The following ADAMTS13 variants were observed in gnomAD, a reference collection of about 807,000 sequenced individuals.
ADAMTS13 encodes the protein ADAM metallopeptidase with thrombospondin type 1 motif 13.
Under a neutral mutation model 155.1 loss-of-function variants are expected in ADAMTS13, and 110 were observed. The observed-to-expected ratio is 0.71, with a 90% confidence interval of 0.61 to 0.83. ADAMTS13 has a LOEUF of 0.83. Among genes scored for constraint, ADAMTS13 ranks in the 40% least tolerant of loss-of-function variants. The pLI is 0.00. For missense variants in ADAMTS13, 1,707 were observed against 1,891.7 expected, an observed-to-expected ratio of 0.90 and a Z score of 1.81; for synonymous variants, 758 against 756.4, an observed-to-expected ratio of 1.00 and a Z score of -0.03.
At chr9:133,446,258 T>C (rs1008607323) in intron 21 of ADAMTS13, among the ~76,000 whole-genome samples, 1 of 152,210 alleles carries the variant, frequency 6.6e-6, no homozygotes, top group African/African-American at 2.4e-5. Context: ...GTCACATTGT[T>C]GTGCGGCCAT....
In ADAMTS13 at chr9:133,425,829, G is replaced by C; in HGVS notation, c.415-109G>C. The stretch of plus-strand genomic sequence containing the variant: ...GCCTCAGTTGTCTCATCCCTAACAC[G>C]GGCTAGTCATAGGGTTGTTAGGAGG... On this transcript the variant is annotated intron_variant, in intron 4 of 28. Transcript: ENST00000355699. The surrounding 1 kb of genome is among the most constrained non-coding windows in gnomAD (Gnocchi z 4.6). 2 of 1,540,450 alleles carry C rather than the reference G, an allele frequency of 1.3e-6. No homozygotes were observed. The highest frequency in any genetic ancestry group is 8.8e-7 in the Non-Finnish European group (1 of 1,140,376).
chr9:133,439,572 T>A (rs1841509681), intron 15 of ADAMTS13, 126 bp downstream of exon 15: 2 of 825,178 alleles, frequency 2.4e-6, no homozygotes, highest in Non-Finnish European at 4.2e-6. Flanking sequence ...ACCCTCAGGC[T>A]TGATAGTTGA....
chr9:133,441,320 C>A lies in ADAMTS13; in HGVS notation c.1968+795C>A, dbSNP rs1841656603. ...GGCCAAAGCAAGCCCCTGTGAGCGG[C>A]TTATCCCTTCTCTTCCCCTGATATG... is the stretch of plus-strand genomic sequence containing the variant. On this transcript the variant is annotated intron_variant, in intron 16 of 28. Transcript: ENST00000355699. The surrounding 1 kb of genome is among the most constrained non-coding windows in gnomAD (Gnocchi z 5.0). Among the ~76,000 whole-genome samples the A allele has an allele frequency of 6.6e-6, 1 of 152,216 alleles. No homozygotes were observed. Among genetic ancestry groups the A allele is most frequent in the Non-Finnish European group, 1.5e-5 (1 of 68,034 alleles).
rs1199764417 is a variant in ADAMTS13, at chr9:133,425,736, C to T, written c.414+124C>T. 2 of 1,380,516 alleles carry T rather than the reference C, an allele frequency of 1.4e-6. No individual in the cohort carries two copies. Among genetic ancestry groups the T allele is most frequent in the Non-Finnish European group, 1.0e-6 (1 of 998,184 alleles). The allele number at this position is 1,380,516 out of a possible 1,614,324, so 85.5% of individuals were successfully genotyped here. A position where few individuals can be genotyped will look rare whatever the true frequency, so the allele number is the denominator to read the frequency against. On this transcript the variant is annotated intron_variant, in intron 4 of 28. Transcript: ENST00000355699. The surrounding 1 kb of genome is among the most constrained non-coding windows in gnomAD (Gnocchi z 4.6). ...AGCATGGATCACAGAATGCATTCAG[C>T]CAGACAGACCAGCTGCCCTCCCAGC...
In ADAMTS13 at chr9:133,443,382, G is replaced by A. The variant is rs782251114; in HGVS notation, c.2241G>A (p.Ala747=). 1.3e-5 allele frequency: 20 copies of A among 1,596,730 alleles called. No homozygotes were observed. Among genetic ancestry groups the A allele is most frequent in the Middle Eastern group, 1.8e-4 (1 of 5,674 alleles). Residue 747 remains alanine (A), a synonymous_variant, in exon 19 of 29, where the codon GCG becomes GCA. Transcript: ENST00000355699. ...CVLEPCPPYW[A]VGDFGPCSAS... ...GCTCTGTCTCCTTCCTCAGCTGGGC[G>A]GTGGGAGACTTCGGCCCATGCAGCG... is the stretch of plus-strand genomic sequence containing the variant.
In ADAMTS13 at chr9:133,440,473, G is replaced by T. The variant is rs138699340; in HGVS notation, c.1916G>T (p.Arg639Leu). Residue 639 changes from arginine to leucine, a missense_variant, in exon 16 of 29, where the codon CGC becomes CTC. Arg to Leu is a moderately radical substitution (Grantham distance 102). Around this residue, in one of 3 missense-constraint regions of ADAMTS13, gnomAD observed 961 missense variants for 1,107.9 expected, o/e 0.87. Transcript: ENST00000355699. The surrounding 1 kb of genome is among the most constrained non-coding windows in gnomAD (Gnocchi z 4.3). Reference protein sequence around the residue: ...RVALTEDRLPRLEEIRIWGPL... With the variant: ...RVALTEDRLPLLEEIRIWGPL... Reference sequence around the variant, plus strand: ...GCCCTCACCGAGGACCGGCTGCCCCGCCTGGAGGAGATCCGCATCTGGGGA... The same window carrying T: ...GCCCTCACCGAGGACCGGCTGCCCCTCCTGGAGGAGATCCGCATCTGGGGA... 2 of 1,613,080 alleles carry T rather than the reference G, an allele frequency of 1.2e-6. No homozygotes were observed. Among genetic ancestry groups the T allele is most frequent in the African/African-American group, 2.7e-5 (2 of 74,892 alleles).
Position 133,424,560 on chromosome 9 carries a change from C to T in ADAMTS13, c.330+82C>T, listed in dbSNP as rs587718205. ...TCTGTGGGCTGGTGTATCTGGTAGT[C>T]TGAATACAGTGGGTTAAACTCAGGT... is the stretch of plus-strand genomic sequence containing the variant. On this transcript the variant is annotated intron_variant, in intron 3 of 28. Coordinates refer to ENST00000355699, the MANE Select transcript of ADAMTS13 (RefSeq NM_139027.6). This position sits in a 1 kb window ranked among gnomAD's most constrained non-coding sequence, Gnocchi z 4.3. The T allele has an allele frequency of 4.8e-5, 75 of 1,549,420 alleles. No homozygotes were observed. Among genetic ancestry groups the T allele is most frequent in the Non-Finnish European group, 1.3e-5 (15 of 1,144,780 alleles).
Position 133,458,555 on chromosome 9 carries a change from CAA to C in ADAMTS13, c.3910-399_3910-398del, listed in dbSNP as rs10699153. On this transcript the variant is annotated intron_variant, in intron 28 of 28. Transcript: ENST00000355699. ...TGGGCAACAGAGTGAGACTCTGTCT[CAA>C]AAAAAAAAAAAAAAAAAAAGCGAAA... 4.1e-3 allele frequency among the ~76,000 whole-genome samples: 233 copies of C among 56,210 alleles called. 1 individual carries two copies. Among genetic ancestry groups the C allele is most frequent in the African/African-American group, 0.016 (216 of 13,438 alleles). 36.9% of individuals were successfully genotyped at this position (56,210 alleles called of 152,430 possible).
At chr9:133,417,701 C>G, upstream of ADAMTS13, 1 of 1,614,170 alleles carries the variant, frequency 6.2e-7, no homozygotes, top group South Asian at 1.1e-5. Context: ...CGCTTGCTGG[C>G]TTCTTGCTTA....
chr9:133,455,786 G>A (rs1554795721), intron 25 of ADAMTS13: 3 of 880,338 alleles, frequency 3.4e-6, no homozygotes, highest in African/African-American at 1.7e-5. Context: ...CTATCAAGGG[G>A]AAGTAACTTG....
chr9:133,429,944 G>T lies in ADAMTS13; in HGVS notation c.830G>T (p.Gly277Val), dbSNP rs1554786655. 6.5e-7 allele frequency: 1 copy of T among 1,535,354 alleles called. No homozygotes were observed. The highest frequency in any genetic ancestry group is 2.0e-5 in the Admixed American group (1 of 50,946). The change falls in exon 8 of 29, where the codon GGA becomes GTA. Residue 277 changes from glycine (G) to valine (V), a missense_variant. By Grantham distance (109) the Gly-to-Val change is moderately radical. This residue lies in a region of ADAMTS13 where 733 missense variants were observed against 749.6 expected (regional missense o/e 0.98). Coordinates refer to ENST00000355699, the MANE Select transcript of ADAMTS13 (RefSeq NM_139027.6). ...TGAGCCGGGCCTTGTCGCAGCGCAGGACGGGCGCGCTGCGTGTGGGACCCG... is the reference window on the plus strand; with the variant it reads ...TGAGCCGGGCCTTGTCGCAGCGCAGTACGGGCGCGCTGCGTGTGGGACCCG... ...RRQLLSLLSA[G>V]RARCVWDPPR... is the part of the protein sequence containing the mutation.
upstream of ADAMTS13, chr9:133,417,562 G>A: frequency 2.6e-6 from 4 of 1,563,108 alleles, no homozygotes; most frequent in African/African-American, 1.4e-5. Flanking sequence ...CTTTCCCTCC[G>A]TCGCGTTCTG....
At chr9:133,453,481 A>G (rs1842563963) in intron 23 of ADAMTS13, among the ~76,000 whole-genome samples, 1 of 151,906 alleles carries the variant, frequency 6.6e-6, no homozygotes, top group Non-Finnish European at 1.5e-5. Flanking sequence ...TCCATCTCAA[A>G]AACAAAAACA....
At chr9:133,423,225 T>A in intron 2 of ADAMTS13, 58 bp downstream of exon 2, 1 of 1,511,112 alleles carries the variant, frequency 6.6e-7, no homozygotes, top group Non-Finnish European at 9.2e-7. Flanking sequence ...TCAAGGGGTA[T>A]CTCACCACTG....
intron 6 of ADAMTS13, among the ~76,000 whole-genome samples, chr9:133,427,557 T>A (rs1554785585): frequency 1.3e-5 from 2 of 152,114 alleles, no homozygotes; most frequent in African/African-American, 4.8e-5. Context: ...ATAGTTCCCT[T>A]CTGCTCCTGT....
rs199697412 is a variant in ADAMTS13 at position 133,456,524 on chromosome 9, C to G, written c.3548-19C>G. 1.1e-5 allele frequency: 17 copies of G among 1,611,652 alleles called. 1 individual carries two copies. In the Admixed American group the frequency reaches 2.8e-4, roughly 27 times the overall value. ...CAGGCGTGGGAGTGCTGGACCCTCACTGCCCTGCCGCTTCCTAGGGGACAT... is the reference window on the plus strand; with the variant it reads ...CAGGCGTGGGAGTGCTGGACCCTCAGTGCCCTGCCGCTTCCTAGGGGACAT... On this transcript the variant is annotated intron_variant, in intron 26 of 28. Transcript: ENST00000355699. This position sits in a 1 kb window ranked among gnomAD's most constrained non-coding sequence, Gnocchi z 4.4.
Position 133,432,644 on chromosome 9 carries a change from C to T in ADAMTS13, c.1044C>T (p.Ser348=). The change falls in exon 9 of 29, where the codon AGC becomes AGT. Residue 348 remains serine (S), a synonymous_variant. Transcript: ENST00000355699. The part of the protein sequence containing the change: ...HTDPLDQSSC[S]RLLVPLLDGT... ...ACCCGCTGGACCAAAGCAGCTGCAG[C>T]CGCCTCCTCGTTCCTCTCCTGGATG... is the stretch of plus-strand genomic sequence containing the variant. The T allele has an allele frequency of 6.4e-7, 1 of 1,559,616 alleles. No homozygotes were observed. The highest frequency in any genetic ancestry group is 8.7e-7 in the Non-Finnish European group (1 of 1,151,062).
chr9:133,456,771 G>A lies in ADAMTS13; in HGVS notation c.3724+52G>A. 6.5e-7 allele frequency: 1 copy of A among 1,547,168 alleles called. No homozygotes were observed. The highest frequency in any genetic ancestry group is 8.7e-7 in the Non-Finnish European group (1 of 1,144,586). On this transcript the variant is annotated intron_variant, in intron 27 of 28. Transcript: ENST00000355699. This position sits in a 1 kb window ranked among gnomAD's most constrained non-coding sequence, Gnocchi z 4.4. ...TTGGGTGCTCCAGTCCTGGCAGGGA[G>A]GCTGGGTGGGTGCTGCTGGGGATGG... is the stretch of plus-strand genomic sequence containing the variant.
intron 23 of ADAMTS13, among the ~76,000 whole-genome samples, chr9:133,450,186 G>A (rs1000220449): frequency 6.6e-5 from 10 of 151,050 alleles, no homozygotes; most frequent in Non-Finnish European, 1.3e-4. Context: ...TAATCCCAGC[G>A]CTATGGAAGG....
Sources: allele counts gnomAD v4.1 joint callset (sites outside exome capture counted in the v4.1 genomes callset), GRCh38; gene constraint gnomAD v4.1.1; regional missense constraint gnomAD v4.1.1; non-coding constraint Gnocchi (gnomAD v3.1); transcripts MANE v1.5; gene names NCBI Gene and HGNC (gene_info 2026-07-23, HGNC 2026-07-21).